The following ZRANB3 variants were observed in gnomAD, a reference collection of about 807,000 sequenced individuals.
The protein encoded by ZRANB3 is DNA annealing helicase and endonuclease ZRANB3.
ZRANB3 carries 125 observed loss-of-function variants against 133.8 expected under a neutral mutation model. That is an observed-to-expected ratio of 0.93 (90% CI 0.81 to 1.08). The LOEUF (loss-of-function observed/expected upper bound fraction) is 1.08, where lower values mean the gene tolerates loss of function less well. Ranked by LOEUF, ZRANB3 falls within the 50% of genes least tolerant of loss-of-function variation. The pLI is 0.00. For synonymous variants in ZRANB3, 387 were observed against 432.7 expected (o/e 0.89, Z 1.31); for missense variants, 1,229 against 1,275.5 (o/e 0.96, Z 0.56).
At chr2:135,454,781 T>A (rs893852923) in intron 2 of ZRANB3, among the ~76,000 whole-genome samples, 3 of 152,232 alleles carry the variant, frequency 2.0e-5, no homozygotes, top group African/African-American at 7.2e-5. Flanking sequence ...TTCTTTTTCA[T>A]GGCTGAGTAG....
intron 2 of ZRANB3, among the ~76,000 whole-genome samples, chr2:135,460,249 C>G (rs1238482423): frequency 6.6e-6 from 1 of 151,796 alleles, no homozygotes. Context: ...TATTAGCAAA[C>G]TTTCAAACAG....
intron 3 of ZRANB3, among the ~76,000 whole-genome samples, chr2:135,359,930 G>C (rs1234130591): frequency 6.6e-6 from 1 of 151,984 alleles, no homozygotes; most frequent in African/African-American, 2.4e-5. Flanking sequence ...TGGTGAGGTA[G>C]GAAATAAAGT....
intron 1 of ZRANB3, among the ~76,000 whole-genome samples, chr2:135,521,327 T>C (rs1249825844): frequency 6.6e-6 from 1 of 152,130 alleles, no homozygotes; most frequent in African/African-American, 2.4e-5. Context: ...GGCAGGCAGA[T>C]CATGAGGTCA....
intron 2 of ZRANB3, among the ~76,000 whole-genome samples, chr2:135,416,656 T>G (rs1688587958): frequency 1.3e-5 from 2 of 150,444 alleles, no homozygotes; most frequent in South Asian, 4.2e-4. Context: ...GCCAAGTCAA[T>G]CCTAAGCCAA....
At chr2:135,427,866 G>A (rs934617464) in intron 2 of ZRANB3, among the ~76,000 whole-genome samples, 10 of 152,034 alleles carry the variant, frequency 6.6e-5, no homozygotes, top group African/African-American at 2.4e-4. Context: ...TAGACCAATG[G>A]AACAGAATAG....
intron 17 of ZRANB3, among the ~76,000 whole-genome samples, chr2:135,214,529 C>G (rs1358813945): frequency 6.6e-6 from 1 of 151,976 alleles, no homozygotes. Flanking sequence ...AATAGTAGGA[C>G]ATGTCCAGAA....
chr2:135,455,511 A>C (rs1426455640), intron 2 of ZRANB3, among the ~76,000 whole-genome samples: 1 of 148,106 alleles, frequency 6.8e-6, no homozygotes, highest in African/African-American at 2.5e-5. Context: ...TTCTAACTAC[A>C]AGAGTTTCTT....
intron 12 of ZRANB3, among the ~76,000 whole-genome samples, chr2:135,247,554 A>AT (rs928847279): frequency 3.3e-5 from 5 of 151,190 alleles, no homozygotes; most frequent in East Asian, 1.9e-4. Flanking sequence ...ACTTATTATT[A>AT]TTTTTTTTTA....
chr2:135,512,537 A>G (rs1481269299), intron 1 of ZRANB3, among the ~76,000 whole-genome samples: 3 of 151,838 alleles, frequency 2.0e-5, no homozygotes, highest in Non-Finnish European at 4.4e-5. Context: ...AAACAAATGA[A>G]AAGATTCCTA....
intron 17 of ZRANB3, among the ~76,000 whole-genome samples, chr2:135,209,255 G>A (rs1392972402): frequency 6.6e-6 from 1 of 152,026 alleles, no homozygotes; most frequent in Non-Finnish European, 1.5e-5. Context: ...TTTCATTTAG[G>A]GGAAAAAGGA....
At chr2:135,420,126 A>ATATATATATATATATATAT (rs1688778170) in intron 2 of ZRANB3, among the ~76,000 whole-genome samples, 1 of 91,010 alleles carries the variant, frequency 1.1e-5, no homozygotes, top group South Asian at 4.1e-4. Flanking sequence ...TATATATATA[A>ATATATATATATATATATAT]CTTATAGAGG....
At chr2:135,413,639 T>C (rs1235335739) in intron 2 of ZRANB3, among the ~76,000 whole-genome samples, 1 of 152,118 alleles carries the variant, frequency 6.6e-6, no homozygotes, top group Non-Finnish European at 1.5e-5. Flanking sequence ...GTATTTATAA[T>C]TATATGCTAG....
At chr2:135,276,442 AGAAG>A (rs1680833546) in intron 8 of ZRANB3, among the ~76,000 whole-genome samples, 1 of 152,210 alleles carries the variant, frequency 6.6e-6, no homozygotes, top group African/African-American at 2.4e-5. Context: ...ATTATGACAC[AGAAG>A]GAAGAAAATT....
chr2:135,325,161 C>T (rs1558917745), intron 6 of ZRANB3, among the ~76,000 whole-genome samples: 1 of 152,062 alleles, frequency 6.6e-6, no homozygotes, highest in East Asian at 1.9e-4. Context: ...CAGAAATTTA[C>T]ATAAAAATGC....
chr2:135,223,442 C>G (rs1264258993), intron 15 of ZRANB3, among the ~76,000 whole-genome samples: 2 of 151,450 alleles, frequency 1.3e-5, no homozygotes, highest in African/African-American at 4.8e-5. Context: ...TCTCCTGCCT[C>G]AGCCTCCTGA....
At chr2:135,344,662 C>A (rs897846824) in intron 6 of ZRANB3, among the ~76,000 whole-genome samples, 2 of 152,028 alleles carry the variant, frequency 1.3e-5, no homozygotes, top group South Asian at 4.1e-4. Flanking sequence ...GCTTGAACAT[C>A]GGAAGCGGAG....
intron 2 of ZRANB3, among the ~76,000 whole-genome samples, chr2:135,413,839 T>A (rs1688427932): frequency 6.6e-6 from 1 of 152,098 alleles, no homozygotes; most frequent in Non-Finnish European, 1.5e-5. Context: ...ACCCAGAATT[T>A]CATATCCAGC....
intron 2 of ZRANB3, among the ~76,000 whole-genome samples, chr2:135,418,932 T>C (rs1163517065): frequency 2.3e-5 from 2 of 88,358 alleles, no homozygotes; most frequent in South Asian, 3.8e-4. Context: ...TCTCTTTTTT[T>C]TTTTTTTTTT....
At chr2:135,478,064 A>T (rs1313436851) in intron 2 of ZRANB3, among the ~76,000 whole-genome samples, 2 of 152,078 alleles carry the variant, frequency 1.3e-5, no homozygotes, top group African/African-American at 4.8e-5. Flanking sequence ...CAAACACAAA[A>T]CAAACACACC....
Sources: allele counts gnomAD v4.1 joint callset (sites outside exome capture counted in the v4.1 genomes callset), GRCh38; gene constraint gnomAD v4.1.1; transcripts MANE v1.5; gene names NCBI Gene and HGNC (gene_info 2026-07-23, HGNC 2026-07-21).